Variants in TRAPPC9 observed in about 807,000 individuals in gnomAD.
TRAPPC9 encodes the protein IKK2 binding protein.
TRAPPC9 carries 83 observed loss-of-function variants against 124.0 expected under a neutral mutation model. The ratio of observed to expected loss-of-function variants is 0.67; its 90% confidence interval spans 0.56 to 0.80. The LOEUF is 0.80. Among genes scored for constraint, TRAPPC9 ranks in the 30% least tolerant of loss-of-function variants. The pLI is 0.00. For missense variants in TRAPPC9, 1,302 were observed against 1,508.3 expected (o/e 0.86, Z 2.27); for synonymous variants, 638 against 617.5 (o/e 1.03, Z -0.49).
intron 1 of TRAPPC9, 128 bp from the exon 2 acceptor site, chr8:140,451,511 C>G: frequency 1.3e-6 from 1 of 785,118 alleles, no homozygotes; most frequent in Non-Finnish European, 2.2e-6. Context: ...GCCGTGGCAT[C>G]AACAGGTCTT....
At chr8:140,130,464 T>C (rs2061187535) in intron 17 of TRAPPC9, among the ~76,000 whole-genome samples, 1 of 152,064 alleles carries the variant, frequency 6.6e-6, no homozygotes, top group African/African-American at 2.4e-5. Context: ...TGTCATGAGG[T>C]AGCATCAAAG....
Position 140,252,750 on chromosome 8 carries a change from G to A in TRAPPC9, c.2431+27C>T, listed in dbSNP as rs1240202192. The A allele has an allele frequency of 5.0e-6, 8 of 1,611,270 alleles. No homozygotes were observed. Among genetic ancestry groups the A allele is most frequent in the Non-Finnish European group, 6.8e-6 (8 of 1,179,750 alleles). The stretch of plus-strand genomic sequence containing the variant: ...TACACAGTATCTAGGACCCTGACGT[G>A]CTAATTAAAATTAGGAAAGCGCTTA... On this transcript the variant is annotated intron_variant, in intron 16 of 22. Transcript: ENST00000438773. The surrounding 1 kb of genome is among the most constrained non-coding windows in gnomAD (Gnocchi z 4.2).
chr8:139,770,075 C>T (rs1445699388), intron 21 of TRAPPC9, among the ~76,000 whole-genome samples: 2 of 152,224 alleles, frequency 1.3e-5, no homozygotes, highest in African/African-American at 2.4e-5. Flanking sequence ...ACCCTGGCCA[C>T]CCTGGGCAGA....
In TRAPPC9 at chr8:140,418,184, C is replaced by G. The variant is rs139757947; in HGVS notation, c.886+8431G>C. ...ATATAACAAACCTGCACATTCTGCA[C>G]GTGTATCCCAGAACTTAAAGTATAA... On this transcript the variant is annotated intron_variant, in intron 5 of 22. Coordinates refer to ENST00000438773, the MANE Select transcript of TRAPPC9 (RefSeq NM_001160372.4). Among the ~76,000 whole-genome samples the G allele has an allele frequency of 4.9e-3, 746 of 152,126 alleles. 10 individuals are homozygous for G. The highest frequency in any genetic ancestry group is 0.017 in the African/African-American group (695 of 41,504).
rs139222653 is a variant in TRAPPC9, at chr8:140,030,745, G to A, written c.2557-6666C>T. Among the ~76,000 whole-genome samples the A allele has an allele frequency of 5.5e-3, 831 of 152,286 alleles. 11 individuals are homozygous for A. Among genetic ancestry groups the A allele is most frequent in the African/African-American group, 0.019 (787 of 41,562 alleles). ...CCAAAACCCCTTATTCTGAAAGAAA[G>A]AAGCCAGACACACAAGAGTGCATAC... On this transcript the variant is annotated intron_variant, in intron 17 of 22. Coordinates refer to ENST00000438773, the MANE Select transcript of TRAPPC9 (RefSeq NM_001160372.4).
At chr8:140,070,807 T>C (rs1035592317) in intron 17 of TRAPPC9, among the ~76,000 whole-genome samples, 32 of 152,120 alleles carry the variant, frequency 2.1e-4, no homozygotes, top group Admixed American at 6.5e-5. Flanking sequence ...AGGAAACACT[T>C]CCAGGAGGGC....
At chr8:140,170,338 A>G (rs542985922) in intron 17 of TRAPPC9, among the ~76,000 whole-genome samples, 3 of 152,312 alleles carry the variant, frequency 2.0e-5, no homozygotes, top group South Asian at 2.1e-4. Flanking sequence ...TCTCTAGATT[A>G]AGAAACTAAG....
intron 17 of TRAPPC9, among the ~76,000 whole-genome samples, chr8:140,161,283 A>C (rs1443721969): frequency 6.6e-6 from 1 of 152,216 alleles, no homozygotes; most frequent in Non-Finnish European, 1.5e-5. Context: ...TGCAGCTCAA[A>C]GAGATGAAGT....
intron 21 of TRAPPC9, among the ~76,000 whole-genome samples, chr8:139,737,484 A>C: frequency 9.6e-5 from 1 of 10,432 alleles, no homozygotes; most frequent in Non-Finnish European, 3.3e-4. Context: ...CCCCCACGGA[A>C]AACCCTGAGT....
chr8:139,911,286 C>A (rs191032839), intron 19 of TRAPPC9: 3 of 152,336 alleles, frequency 2.0e-5, no homozygotes, highest in African/African-American at 7.2e-5. Context: ...GAGGCTTCTC[C>A]AGCAACGTGG....
intron 17 of TRAPPC9, among the ~76,000 whole-genome samples, chr8:140,176,786 A>C (rs1487424849): frequency 1.3e-5 from 2 of 152,234 alleles, no homozygotes; most frequent in Non-Finnish European, 2.9e-5. Context: ...AATATAGGAG[A>C]GTTCCAGTTA....
At chr8:140,351,174 G>A (rs1489519992) in intron 9 of TRAPPC9, among the ~76,000 whole-genome samples, 1 of 151,610 alleles carries the variant, frequency 6.6e-6, no homozygotes, top group African/African-American at 2.4e-5. Flanking sequence ...CAACGGATGA[G>A]AGACACAGGC....
intron 16 of TRAPPC9, among the ~76,000 whole-genome samples, chr8:140,251,606 C>G (rs4736025): frequency 0.22 from 33,848 of 152,184 alleles, 4,129 homozygotes; most frequent in African/African-American, 0.32. Context: ...AGGGACTGAG[C>G]TGCGTCCCCC....
chr8:140,026,815 G>A (rs1028418021), intron 17 of TRAPPC9, among the ~76,000 whole-genome samples: 4 of 151,982 alleles, frequency 2.6e-5, no homozygotes, highest in African/African-American at 9.7e-5. Flanking sequence ...ATTACTACTC[G>A]ACAGCCCAAA....
chr8:140,071,586 A>G (rs1440185448), intron 17 of TRAPPC9, among the ~76,000 whole-genome samples: 1 of 152,188 alleles, frequency 6.6e-6, no homozygotes, highest in Non-Finnish European at 1.5e-5. Flanking sequence ...CAGTCCTGCC[A>G]GAGGCCCGGT....
chr8:139,760,822 C>T (rs1820171061), intron 21 of TRAPPC9, among the ~76,000 whole-genome samples: 1 of 152,196 alleles, frequency 6.6e-6, no homozygotes, highest in Admixed American at 6.5e-5. Context: ...ATGATGAGAA[C>T]AGCACGGGAA....
chr8:139,757,454 A>G (rs1443294794), intron 21 of TRAPPC9, among the ~76,000 whole-genome samples: 1 of 147,368 alleles, frequency 6.8e-6, no homozygotes, highest in African/African-American at 2.6e-5. Flanking sequence ...TTTGGGGATG[A>G]GGACAGCAGG....
At chr8:140,025,926 T>A (rs993232106) in intron 17 of TRAPPC9, among the ~76,000 whole-genome samples, 2 of 152,130 alleles carry the variant, frequency 1.3e-5, no homozygotes, top group African/African-American at 4.8e-5. Flanking sequence ...CTATCAACCA[T>A]CTCCATCATC....
chr8:139,925,179 C>T (rs574733348), intron 19 of TRAPPC9, among the ~76,000 whole-genome samples: 1 of 152,330 alleles, frequency 6.6e-6, no homozygotes, highest in East Asian at 1.9e-4. Context: ...GGTGGCGGCG[C>T]CTCCCACTTT....
Sources: gnomAD v4.1 joint callset for allele counts (sites outside exome capture counted in the v4.1 genomes callset) on GRCh38, gnomAD v4.1.1 for gene constraint, Gnocchi (gnomAD v3.1) non-coding constraint, MANE v1.5 for transcripts, NCBI Gene and HGNC (gene_info 2026-07-23, HGNC 2026-07-21) for gene names.